UTS2: variants seen among roughly 807,000 people sequenced by gnomAD.
The protein encoded by UTS2 is urotensin-2.
UTS2 carries 10 observed loss-of-function variants against 12.6 expected under a neutral mutation model. That is an observed-to-expected ratio of 0.80 (90% confidence interval 0.49 to 1.35). The LOEUF is 1.35. Ranked by LOEUF, UTS2 falls within the 40% of genes most tolerant of loss-of-function variation. UTS2 has a pLI of 0.00. For synonymous variants in UTS2, 52 were observed against 50.0 expected, an observed-to-expected ratio of 1.04 and a Z score of -0.17; for missense variants, 142 against 143.2, an observed-to-expected ratio of 0.99 and a Z score of 0.04.
chr1:7,895,706 A>G, the UTS2 span, among the ~76,000 whole-genome samples: 4 of 152,252 alleles, frequency 2.6e-5, no homozygotes, highest in African/African-American at 9.6e-5. Flanking sequence ...GCTAAAGTTC[A>G]TTCAGGAATT....
At position 7,852,993 on chromosome 1, in the gene UTS2, A is replaced by G; in HGVS notation, c.11T>C (p.Leu4Pro). The G allele has an allele frequency of 6.2e-7, 1 of 1,612,596 alleles. No homozygotes were observed. The highest frequency in any genetic ancestry group is 8.5e-7 in the Non-Finnish European group (1 of 1,179,530). MYK[L>P]ASCCLLFIGF... The stretch of plus-strand genomic sequence containing the variant: ...TATGAAAAGCAAACAGCAGGAGGCC[A>G]GCTTATACATGATCGCCACAAGATA... Residue 4 changes from leucine to proline, a missense_variant, in exon 1 of 4, where the codon CTG (leucine) becomes CCG (proline). Transcript: ENST00000361696.
the UTS2 span, among the ~76,000 whole-genome samples, chr1:7,879,977 C>A: frequency 1.3e-5 from 2 of 152,076 alleles, no homozygotes; most frequent in African/African-American, 4.8e-5. Context: ...AAGATCAAAG[C>A]ATAGTACATT....
chr1:7,888,319 T>A, the UTS2 span, among the ~76,000 whole-genome samples: 1 of 152,136 alleles, frequency 6.6e-6, no homozygotes. Context: ...GAGCATTTTC[T>A]TCCTTCCTCC....
the UTS2 span, among the ~76,000 whole-genome samples, chr1:7,894,587 C>G: frequency 6.6e-6 from 1 of 151,976 alleles, no homozygotes; most frequent in African/African-American, 2.4e-5. Flanking sequence ...CCCAACCCCC[C>G]GGCCCTGCCC....
the UTS2 span, among the ~76,000 whole-genome samples, chr1:7,863,055 ATTGTATTGTATTGTATT>A: frequency 8.3e-5 from 6 of 71,942 alleles, no homozygotes; most frequent in South Asian, 5.6e-4. Context: ...ATTGTATTGT[ATTGTATTGTATTGTATT>A]GTATTGTATT....
the UTS2 span, among the ~76,000 whole-genome samples, chr1:7,863,022 TGTATTGTATTG>T: frequency 4.0e-5 from 1 of 24,784 alleles, no homozygotes; most frequent in African/African-American, 1.2e-4. Context: ...TGTATTGTAT[TGTATTGTATTG>T]TATTGTATTG....
the UTS2 span, among the ~76,000 whole-genome samples, chr1:7,872,865 G>A: frequency 6.6e-6 from 1 of 152,212 alleles, no homozygotes; most frequent in Admixed American, 6.5e-5. Flanking sequence ...TGCCGTCTAA[G>A]ACTTTCCTAG....
chr1:7,898,628 A>C, the UTS2 span, among the ~76,000 whole-genome samples: 3 of 152,062 alleles, frequency 2.0e-5, no homozygotes, highest in African/African-American at 7.2e-5. Flanking sequence ...GGTGCCTGCC[A>C]CTACGCCCGG....
At chr1:7,869,783 T>A in the UTS2 span, among the ~76,000 whole-genome samples, 1 of 152,228 alleles carries the variant, frequency 6.6e-6, no homozygotes, top group Non-Finnish European at 1.5e-5. Flanking sequence ...ATCTGATTCA[T>A]CCAATTACCT....
chr1:7,854,598 C>T (rs1370731671), upstream of UTS2, among the ~76,000 whole-genome samples: 3 of 151,578 alleles, frequency 2.0e-5, no homozygotes, highest in African/African-American at 7.3e-5. Context: ...CCTTCACAAC[C>T]TCAGGTTAGG....
chr1:7,909,849 T>C, the UTS2 span, among the ~76,000 whole-genome samples: 27 of 152,200 alleles, frequency 1.8e-4, no homozygotes, highest in African/African-American at 6.3e-4. Flanking sequence ...CTCAAACTCC[T>C]GACCTCAAGT....
At chr1:7,857,931 A>G (rs573889202), upstream of UTS2, among the ~76,000 whole-genome samples, 2 of 151,770 alleles carry the variant, frequency 1.3e-5, no homozygotes, top group Non-Finnish European at 2.9e-5. Context: ...GCATGTTTAT[A>G]TATATGTAAA....
the UTS2 span, among the ~76,000 whole-genome samples, chr1:7,861,439 A>G: frequency 6.6e-6 from 1 of 152,180 alleles, no homozygotes; most frequent in South Asian, 2.1e-4. Context: ...AACCATAAGC[A>G]CCAAGTCTTT....
chr1:7,887,500 C>A, the UTS2 span, among the ~76,000 whole-genome samples: 1 of 150,284 alleles, frequency 6.7e-6, no homozygotes, highest in Non-Finnish European at 1.5e-5. Flanking sequence ...TGGCTCACGC[C>A]TATAATCCTA....
chr1:7,867,043 T>C, the UTS2 span, among the ~76,000 whole-genome samples: 3 of 152,122 alleles, frequency 2.0e-5, no homozygotes, highest in Non-Finnish European at 4.4e-5. Context: ...CTAATGTTTG[T>C]ATTTTTAGTA....
chr1:7,907,211 G>A, the UTS2 span, among the ~76,000 whole-genome samples: 1 of 152,042 alleles, frequency 6.6e-6, no homozygotes, highest in Non-Finnish European at 1.5e-5. Context: ...AGCTGAGATC[G>A]TGTCACTGCA....
At chr1:7,876,105 G>A in the UTS2 span, among the ~76,000 whole-genome samples, 751 of 152,298 alleles carry the variant, frequency 4.9e-3, 6 homozygotes, top group African/African-American at 0.017. Flanking sequence ...CCAGAGGTCA[G>A]GGGATTGATC....
chr1:7,863,018 G>T, the UTS2 span, among the ~76,000 whole-genome samples: 1 of 22,904 alleles, frequency 4.4e-5, no homozygotes, highest in East Asian at 7.2e-4. Flanking sequence ...GTATTGTATT[G>T]TATTGTATTG....
At chr1:7,894,791 C>T in the UTS2 span, among the ~76,000 whole-genome samples, 3 of 150,950 alleles carry the variant, frequency 2.0e-5, no homozygotes, top group Non-Finnish European at 4.4e-5. Context: ...ACCAGCCCGG[C>T]AACATGGTGA....
Sources: allele counts gnomAD v4.1 joint callset (sites outside exome capture counted in the v4.1 genomes callset), GRCh38; gene constraint gnomAD v4.1.1; transcripts MANE v1.5; gene names NCBI Gene and HGNC (gene_info 2026-07-23, HGNC 2026-07-21).